The following DUSP16 variants were observed in gnomAD, a reference collection of about 807,000 sequenced individuals.
DUSP16 encodes dual specificity phosphatase 16, also known as dual specificity protein phosphatase 16.
In DUSP16, 21 loss-of-function variants were observed where a neutral mutation model predicts 58.3. That is an observed-to-expected ratio of 0.36 (90% CI 0.26 to 0.52). The LOEUF (loss-of-function observed/expected upper bound fraction) is 0.52, where lower values mean the gene tolerates loss of function less well. DUSP16 is among the 20% of genes least tolerant of loss of function. DUSP16 has a pLI of 0.94. For missense variants in DUSP16, 726 were observed against 819.0 expected (o/e 0.89, Z 1.39); for synonymous variants, 320 against 323.8 (o/e 0.99, Z 0.12).
Position 12,510,439 on chromosome 12 carries a change from C to G in DUSP16, c.367+9423G>C, listed in dbSNP as rs1352318684. On this transcript the variant is annotated intron_variant, in intron 3 of 6. Transcript: ENST00000298573. ...TGAAGCGCAAAGCTTTCTAAGCCAT[C>G]TAGCCACAGGCTCTCCCCTAAGACC... is the stretch of plus-strand genomic sequence containing the variant. Among the ~76,000 whole-genome samples the G allele has an allele frequency of 5.3e-5, 8 of 152,344 alleles. No homozygotes were observed. In the East Asian group the frequency reaches 1.5e-3, roughly 29 times the overall value.
chr12:12,534,979 C>A (rs1457095852), intron 1 of DUSP16, among the ~76,000 whole-genome samples: 1 of 152,218 alleles, frequency 6.6e-6, no homozygotes, highest in African/African-American at 2.4e-5. Flanking sequence ...CTAAGCCTCA[C>A]AGGAAGACAC....
chr12:12,511,434 A>G (rs1413033312), intron 3 of DUSP16, among the ~76,000 whole-genome samples: 1 of 152,106 alleles, frequency 6.6e-6, no homozygotes, highest in Non-Finnish European at 1.5e-5. Context: ...TCTCTCCTTC[A>G]CAAAAAATCC....
chr12:12,476,562 T>G lies in DUSP16; in HGVS notation c.*271A>C, dbSNP rs1338269119. ...ACTTGCTTTTTTAAGAACAAGAGGA[T>G]GTGTAATTCACTGAATAAAATGGTT... On this transcript the variant is annotated 3_prime_UTR_variant, in exon 7 of 7. Transcript: ENST00000298573. 3.1e-6 allele frequency: 1 copy of G among 318,710 alleles called. No homozygotes were observed. The highest frequency in any genetic ancestry group is 5.7e-6 in the Non-Finnish European group (1 of 176,290). The allele number at this position is 318,710 out of a possible 1,614,324, so 19.7% of individuals were successfully genotyped here.
chr12:12,478,103 A>G (rs1177915194), intron 6 of DUSP16, 88 bp from the exon 7 acceptor site: 5 of 1,194,550 alleles, frequency 4.2e-6, no homozygotes, highest in Non-Finnish European at 5.9e-6. Flanking sequence ...ATAGGGAATT[A>G]TCAGGCAGAC....
chr12:12,516,480 T>C (rs1944156392), intron 3 of DUSP16, among the ~76,000 whole-genome samples: 1 of 152,230 alleles, frequency 6.6e-6, no homozygotes, highest in African/African-American at 2.4e-5. Context: ...GACTTGCGTA[T>C]TCCTATGAGT....
intron 6 of DUSP16, 53 bp downstream of exon 6, chr12:12,480,168 TTA>T (rs1297660507): frequency 2.6e-5 from 41 of 1,595,516 alleles, no homozygotes; most frequent in Non-Finnish European, 2.9e-5. Context: ...TCATCATTCT[TTA>T]TGTTTCAGGT....
intron 4 of DUSP16, among the ~76,000 whole-genome samples, chr12:12,490,737 T>C (rs1051027946): frequency 6.6e-6 from 1 of 152,192 alleles, no homozygotes; most frequent in Non-Finnish European, 1.5e-5. Flanking sequence ...ACACTATCAG[T>C]GCCAAAGCCT....
intron 3 of DUSP16, among the ~76,000 whole-genome samples, 193 bp from the exon 4 acceptor site, chr12:12,500,875 T>TG (rs1565997771): frequency 6.6e-6 from 1 of 152,194 alleles, no homozygotes; most frequent in Non-Finnish European, 1.5e-5. Context: ...AACGCTACCA[T>TG]GGGGATAGGC....
rs139348427 is a variant in DUSP16, at chr12:12,550,695, C to T, written c.-366+11422G>A. On this transcript the variant is annotated intron_variant, in intron 1 of 6. Transcript: ENST00000298573. The stretch of plus-strand genomic sequence containing the variant: ...TGGACACTGGGAGGGGAACATCACA[C>T]GCTGGGGTCTGTTGGGAGGGAAACA... Among the ~76,000 whole-genome samples, 141 of 151,926 alleles carry T rather than the reference C, an allele frequency of 9.3e-4. 1 individual carries two copies. The highest frequency in any genetic ancestry group is 1.4e-3 in the East Asian group (7 of 5,172).
Position 12,476,766 on chromosome 12 carries a change from T to C in DUSP16, c.*67A>G. 2 of 1,437,202 alleles carry C rather than the reference T, an allele frequency of 1.4e-6. No individual in the cohort carries two copies. The highest frequency in any genetic ancestry group is 1.9e-6 in the Non-Finnish European group (2 of 1,072,528). 89.0% of individuals were successfully genotyped at this position (1,437,202 alleles called of 1,614,324 possible). A position where few individuals can be genotyped will look rare whatever the true frequency, so the allele number is the denominator to read the frequency against. On this transcript the variant is annotated 3_prime_UTR_variant, in exon 7 of 7. Coordinates refer to ENST00000298573, the MANE Select transcript of DUSP16 (RefSeq NM_030640.3). ...TGTATGTACATATATATATTTCAGA[T>C]TTACAGGGAATTTTTTTGTGAACAA...
intron 1 of DUSP16, among the ~76,000 whole-genome samples, chr12:12,556,389 T>A (rs958712974): frequency 2.0e-5 from 3 of 151,770 alleles, no homozygotes; most frequent in Non-Finnish European, 4.4e-5. Context: ...GAGACCCCCA[T>A]CTCTATAAAA....
intron 3 of DUSP16, among the ~76,000 whole-genome samples, chr12:12,510,972 A>G (rs1944069516): frequency 6.6e-6 from 1 of 152,266 alleles, no homozygotes; most frequent in African/African-American, 2.4e-5. Flanking sequence ...GGATGAAGTT[A>G]GCAAGGTAGG....
chr12:12,484,903 T>C (rs755666573), intron 5 of DUSP16, among the ~76,000 whole-genome samples: 13 of 148,428 alleles, frequency 8.8e-5, no homozygotes, highest in Non-Finnish European at 1.8e-4. Flanking sequence ...TAAGCCACCA[T>C]GCCCAGCCAA....
intron 1 of DUSP16, among the ~76,000 whole-genome samples, chr12:12,533,241 G>T (rs1248897107): frequency 6.6e-6 from 1 of 152,148 alleles, no homozygotes; most frequent in Non-Finnish European, 1.5e-5. Context: ...ACTTGTAAAA[G>T]ATCATTCAAT....
chr12:12,552,978 A>G (rs1400724031), intron 1 of DUSP16, among the ~76,000 whole-genome samples: 1 of 151,980 alleles, frequency 6.6e-6, no homozygotes, highest in African/African-American at 2.4e-5. Context: ...ACGGGGTTTT[A>G]CCATGTTGGT....
At chr12:12,527,486 C>A (rs1221001427) in intron 1 of DUSP16, among the ~76,000 whole-genome samples, 1 of 152,000 alleles carries the variant, frequency 6.6e-6, no homozygotes, top group Admixed American at 6.6e-5. Context: ...AAAAAACCAC[C>A]CTCACCAAAA....
At chr12:12,526,599 G>T (rs566459427) in intron 1 of DUSP16, among the ~76,000 whole-genome samples, 1 of 152,080 alleles carries the variant, frequency 6.6e-6, no homozygotes, top group African/African-American at 2.4e-5. Context: ...GTTTTGTTTC[G>T]ATTTTTATTA....
Position 12,519,889 on chromosome 12 carries a change from T to C in DUSP16, c.340A>G (p.Ser114Gly), listed in dbSNP as rs146481470. The C allele has an allele frequency of 6.2e-7, 1 of 1,614,090 alleles. No individual in the cohort carries two copies. Among genetic ancestry groups the C allele is most frequent in the African/African-American group, 1.3e-5 (1 of 75,048 alleles). ...LTVLLGKLEKSFNSVHLLAGG... is the reference protein window; with the variant it reads ...LTVLLGKLEKGFNSVHLLAGG... ...GCAAGCAGGTGAACAGAGTTGAAGC[T>C]CTTCTCCAGTTTACCCAGAAGTACA... is the stretch of plus-strand genomic sequence containing the variant. Residue 114 changes from serine (S) to glycine (G), a missense_variant, in exon 3 of 7, where the codon AGC (serine) becomes GGC (glycine). Transcript: ENST00000298573.
intron 1 of DUSP16, among the ~76,000 whole-genome samples, chr12:12,529,426 T>C (rs1393070433): frequency 2.0e-5 from 3 of 152,186 alleles, no homozygotes; most frequent in Non-Finnish European, 2.9e-5. Context: ...TTTAAATTAA[T>C]GGATAAAACT....
Sources: gnomAD v4.1 joint callset for allele counts (sites outside exome capture counted in the v4.1 genomes callset) on GRCh38, gnomAD v4.1.1 for gene constraint, MANE v1.5 for transcripts, NCBI Gene and HGNC (gene_info 2026-07-23, HGNC 2026-07-21) for gene names.